The following ACAP3 variants were observed in gnomAD, a reference collection of about 807,000 sequenced individuals.
The protein encoded by ACAP3 is arf-GAP with coiled-coil, ANK repeat and PH domain-containing protein 3.
A neutral mutation model predicts 104.1 loss-of-function variants in ACAP3; 56 were observed. The observed-to-expected ratio is 0.54, with a 90% confidence interval of 0.43 to 0.67. The LOEUF (loss-of-function observed/expected upper bound fraction) is 0.67, where lower values mean the gene tolerates loss of function less well. Among genes scored for constraint, ACAP3 ranks in the 30% least tolerant of loss-of-function variants. The pLI is 0.00. For synonymous variants in ACAP3, 628 were observed against 496.2 expected (o/e 1.27, Z -3.53); for missense variants, 1,208 against 1,174.9 (o/e 1.03, Z -0.41).
chr1:1,307,234 A>C (rs1362982189), intron 1 of ACAP3: 25 of 1,287,312 alleles, frequency 1.9e-5, no homozygotes, highest in Non-Finnish European at 2.5e-5. Flanking sequence ...CGGTGTGCAC[A>C]CAACCCCTAC....
At position 1,292,978 on chromosome 1, in the gene ACAP3, C is replaced by T. The variant is rs907172972; in HGVS notation, c.*586G>A. 1 of 152,362 alleles carries T rather than the reference C, an allele frequency of 6.6e-6. No individual in the cohort carries two copies. Among genetic ancestry groups the T allele is most frequent in the African/African-American group, 2.4e-5 (1 of 41,582 alleles). 9.4% of individuals were successfully genotyped at this position (152,362 alleles called of 1,614,324 possible). ...TGGGGCTGTCTGGCACGGGGACCTT[C>T]GTGGCCAGCCACGTGGCCTTGGGAC... is the stretch of plus-strand genomic sequence containing the variant. On this transcript the variant is annotated 3_prime_UTR_variant, in exon 24 of 24. Transcript: ENST00000354700.
At chr1:1,304,034 G>C in intron 2 of ACAP3, 52 bp downstream of exon 2, 1 of 1,547,926 alleles carries the variant, frequency 6.5e-7, no homozygotes, top group Non-Finnish European at 8.7e-7. Context: ...GTCTGGCCAT[G>C]TGGCCATCCC....
At chr1:1,304,618 T>G in intron 1 of ACAP3, 1 of 169,252 alleles carries the variant, frequency 5.9e-6, no homozygotes, top group Non-Finnish European at 1.3e-5. Context: ...GCAGCTGCTC[T>G]CGGTCCTGGC....
intron 11 of ACAP3, 30 bp from the exon 12 acceptor site, chr1:1,298,451 G>A (rs761060966): frequency 6.3e-7 from 1 of 1,596,184 alleles, no homozygotes; most frequent in South Asian, 1.1e-5. Context: ...TGGGGAGTCA[G>A]GCGGGGCCCA....
chr1:1,296,155 C>G, intron 16 of ACAP3, 46 bp from the exon 17 acceptor site: 1 of 1,608,366 alleles, frequency 6.2e-7, no homozygotes, highest in Non-Finnish European at 8.5e-7. Flanking sequence ...ACCTGCAGAC[C>G]CCAGCTCCCG....
chr1:1,300,573 G>A lies in ACAP3; in HGVS notation c.458C>T (p.Ala153Val), dbSNP rs753663194. 3.1e-6 allele frequency: 5 copies of A among 1,611,918 alleles called. No individual in the cohort carries two copies. The highest frequency in any genetic ancestry group is 4.2e-6 in the Non-Finnish European group (5 of 1,179,588). Residue 153 changes from alanine (A) to valine (V), a missense_variant, in exon 6 of 24, where the codon GCC (alanine) becomes GTC (valine). Coordinates refer to ENST00000354700, the MANE Select transcript of ACAP3 (RefSeq NM_030649.3). ...PRHRPHEVEE[A>V]TGALTLTRKC... is the part of the protein sequence containing the mutation. The stretch of plus-strand genomic sequence containing the variant: ...CCTGGTGAGGGTGAGGGCCCCGGTG[G>A]CTTCCTCCACCTCGTGGGGCCGGTG...
intron 1 of ACAP3, 24 bp from the exon 2 acceptor site, chr1:1,304,167 G>T: frequency 6.5e-7 from 1 of 1,550,260 alleles, no homozygotes. Context: ...GGGGCTGGCT[G>T]GGGTCACCTG....
intron 9 of ACAP3, 165 bp from the exon 10 acceptor site, chr1:1,299,521 C>G (rs939901396): frequency 7.9e-6 from 7 of 885,412 alleles, no homozygotes; most frequent in Non-Finnish European, 1.2e-5. Context: ...CTGCCTGCAG[C>G]CAACCTCTGC....
At chr1:1,294,697 C>T (rs781755835) in intron 20 of ACAP3, 21 bp downstream of exon 20, 3 of 1,548,216 alleles carry the variant, frequency 1.9e-6, no homozygotes, top group Non-Finnish European at 2.6e-6. Context: ...GGGCCTCGGG[C>T]GAGGGCAAGA....
Position 1,298,690 on chromosome 1 carries a change from G to A in ACAP3, c.751-11C>T. ...ATCGTAGGAGAAGTCCTGGGGGGATGGAACCCGCCCCCTCAGTGCCCACCC... is the reference window on the plus strand; with the variant it reads ...ATCGTAGGAGAAGTCCTGGGGGGATAGAACCCGCCCCCTCAGTGCCCACCC... On this transcript the variant is annotated splice_polypyrimidine_tract_variant and intron_variant, in intron 10 of 23. Transcript: ENST00000354700. 2.5e-6 allele frequency: 4 copies of A among 1,604,062 alleles called. No individual in the cohort carries two copies. The highest frequency in any genetic ancestry group is 3.4e-6 in the Non-Finnish European group (4 of 1,172,472).
chr1:1,300,810 C>T, intron 5 of ACAP3, 118 bp from the exon 6 acceptor site: 3 of 1,095,400 alleles, frequency 2.7e-6, no homozygotes, highest in Non-Finnish European at 3.9e-6. Context: ...TCGCTCTTGT[C>T]ACCCAGGCTG....
chr1:1,299,210 C>G, intron 10 of ACAP3, 135 bp downstream of exon 10: 1 of 1,188,798 alleles, frequency 8.4e-7, no homozygotes, highest in Non-Finnish European at 1.2e-6. Flanking sequence ...CCCTCACAGC[C>G]GCATCAGCAG....
chr1:1,294,197 G>A lies in ACAP3; in HGVS notation c.2142C>T (p.Gly714=). 6.3e-7 allele frequency: 1 copy of A among 1,581,858 alleles called. No individual in the cohort carries two copies. The highest frequency in any genetic ancestry group is 2.3e-5 in the East Asian group (1 of 43,616). The change falls in exon 22 of 24, where the codon GGC becomes GGT. Residue 714 remains glycine, a splice_region_variant and synonymous_variant. Transcript: ENST00000354700. The stretch of plus-strand genomic sequence containing the variant: ...GCAGGAACTCACAGACGATCAAGGA[G>A]CCCTGGGGAGCCGGGGCAACTCAGA... The part of the protein sequence containing the change: ...KTPLVQAVLG[G]SLIVCEFLLQ...
chr1:1,293,948 C>A lies in ACAP3; in HGVS notation c.2250-15G>T. On this transcript the variant is annotated splice_polypyrimidine_tract_variant and intron_variant, in intron 22 of 23. Transcript: ENST00000354700. Reference sequence around the variant, plus strand: ...GGCAAACCTGGCTGAGGGGCGAGGTCGGAGGGGCGTGTCGGGGCGGGGCGG... The same window carrying A: ...GGCAAACCTGGCTGAGGGGCGAGGTAGGAGGGGCGTGTCGGGGCGGGGCGG... 2 of 1,100,610 alleles carry A rather than the reference C, an allele frequency of 1.8e-6. No individual in the cohort carries two copies. The highest frequency in any genetic ancestry group is 2.6e-6 in the Non-Finnish European group (2 of 758,976). The allele number at this position is 1,100,610 out of a possible 1,614,324, so 68.2% of individuals were successfully genotyped here.
Position 1,298,026 on chromosome 1 carries a change from G to A in ACAP3, c.1003C>T (p.Leu335=). The A allele has an allele frequency of 2.5e-6, 4 of 1,611,898 alleles. No individual in the cohort carries two copies. The highest frequency in any genetic ancestry group is 3.4e-6 in the Non-Finnish European group (4 of 1,179,576). ...DIERRFCFEV[L]SPTKSCMLQA... ...GGGCCTCCTCACTTGGTGGGTGACAGCACCTCGAAGCAGAACCTCCGCTCG... is the reference window on the plus strand; with the variant it reads ...GGGCCTCCTCACTTGGTGGGTGACAACACCTCGAAGCAGAACCTCCGCTCG... The change falls in exon 13 of 24, where the codon CTG becomes TTG. Residue 335 remains leucine (L), a synonymous_variant. Coordinates refer to ENST00000354700, the MANE Select transcript of ACAP3 (RefSeq NM_030649.3).
rs371199851 is a variant in ACAP3 at position 1,295,705 on chromosome 1, C to G, written c.1705+31G>C. 3.7e-5 allele frequency: 58 copies of G among 1,580,440 alleles called. No individual in the cohort carries two copies. In the African/African-American group the frequency reaches 7.1e-4, roughly 19 times the overall value. On this transcript the variant is annotated intron_variant, in intron 18 of 23. Coordinates refer to ENST00000354700, the MANE Select transcript of ACAP3 (RefSeq NM_030649.3). ...GTCCATCCCCGACCAAGGCAAGCCCCTCCCAGCCCTGCCGGGGCATGGCCT... is the reference window on the plus strand; with the variant it reads ...GTCCATCCCCGACCAAGGCAAGCCCGTCCCAGCCCTGCCGGGGCATGGCCT...
chr1:1,294,759 G>C lies in ACAP3; in HGVS notation c.1871C>G (p.Ala624Gly), dbSNP rs1191520607. The part of the protein sequence containing the change: ...GSSDGSSDVL[A>G]FGSGSVVDSV... ...GTCCACCACAGAGCCCGAGCCGAAA[G>C]CCAGGACGTCCGAGCTGCCATCCGA... is the stretch of plus-strand genomic sequence containing the variant. The change falls in exon 20 of 24, where the codon GCT (alanine) becomes GGT (glycine). Residue 624 changes from alanine (A) to glycine (G), a missense_variant. By Grantham distance (60) the Ala-to-Gly change is moderately conservative. Transcript: ENST00000354700. The C allele has an allele frequency of 1.9e-6, 3 of 1,549,810 alleles. No individual in the cohort carries two copies. Among genetic ancestry groups the C allele is most frequent in the African/African-American group, 1.4e-5 (1 of 73,006 alleles).
chr1:1,294,268 C>T (rs879086416), intron 21 of ACAP3, 69 bp from the exon 22 acceptor site: 2 of 1,521,482 alleles, frequency 1.3e-6, no homozygotes, highest in Admixed American at 2.1e-5. Context: ...CACCCTGACC[C>T]CGGCCTTGGG....
intron 4 of ACAP3, among the ~76,000 whole-genome samples, chr1:1,302,404 G>T (rs981485226): frequency 6.6e-6 from 1 of 152,134 alleles, no homozygotes; most frequent in Non-Finnish European, 1.5e-5. Flanking sequence ...GAGCACCCAG[G>T]GGCTGGGCCT....
Sources: allele counts gnomAD v4.1 joint callset (sites outside exome capture counted in the v4.1 genomes callset), GRCh38; gene constraint gnomAD v4.1.1; transcripts MANE v1.5; gene names NCBI Gene and HGNC (gene_info 2026-07-23, HGNC 2026-07-21).